Variants in ABCB4 observed in about 807,000 individuals in gnomAD.
ABCB4 encodes phosphatidylcholine translocator ABCB4.
In ABCB4, 76 loss-of-function variants were observed where a neutral mutation model predicts 145.7. The observed-to-expected ratio is 0.52, with a 90% CI of 0.43 to 0.63. The LOEUF (loss-of-function observed/expected upper bound fraction) is 0.63. Ranked by LOEUF, ABCB4 falls within the 30% of genes least tolerant of loss-of-function variation. The pLI is 0.00. For missense variants in ABCB4, 1,234 were observed against 1,553.1 expected, an observed-to-expected ratio of 0.79 and a Z score of 3.45; for synonymous variants, 517 against 566.8, an observed-to-expected ratio of 0.91 and a Z score of 1.25.
In ABCB4 at chr7:87,449,280, C is replaced by T. The variant is rs1383615130; in HGVS notation, c.833+688G>A. On this transcript the variant is annotated intron_variant, in intron 8 of 27. Coordinates refer to ENST00000649586, the MANE Select transcript of ABCB4 (RefSeq NM_000443.4). ...GAATTCTGGGCTATAACTAGGAAGT[C>T]GATGTTTTCTCAGGTTTTTCTCTTC... 2.6e-5 allele frequency among the ~76,000 whole-genome samples: 4 copies of T among 151,864 alleles called. No individual in the cohort carries two copies. In the East Asian group the frequency reaches 5.8e-4, roughly 22 times the overall value.
Position 87,475,423 on chromosome 7 carries a change from T to TG in ABCB4, c.42dup (p.Thr15HisfsTer8). On this transcript the variant is annotated frameshift_variant, in exon 2 of 28. Transcript: ENST00000649586. LOFTEE classifies it high-confidence loss of function. ...AGTTCAAAGTCGCCCTCCGCGCTCG[T>TG]GGGGCGCCAGGCTGTTCCGTTCTTT... 1 of 1,614,238 alleles carries TG rather than the reference T, an allele frequency of 6.2e-7. No individual in the cohort carries two copies. The highest frequency in any genetic ancestry group is 2.2e-5 in the East Asian group (1 of 44,876).
chr7:87,431,832 GA>G (rs1184508045), intron 14 of ABCB4, among the ~76,000 whole-genome samples: 1 of 152,158 alleles, frequency 6.6e-6, no homozygotes, highest in Non-Finnish European at 1.5e-5. Flanking sequence ...GTTTACTTAA[GA>G]AAAATAAGGG....
intron 23 of ABCB4, among the ~76,000 whole-genome samples, chr7:87,409,714 G>A (rs1293091819): frequency 6.6e-6 from 1 of 152,124 alleles, no homozygotes; most frequent in Admixed American, 6.5e-5. Context: ...TGATCTGTGA[G>A]CTCAGCTAAT....
At chr7:87,439,375 C>T (rs45558536) in intron 14 of ABCB4, among the ~76,000 whole-genome samples, 1,683 of 152,196 alleles carry the variant, frequency 0.011, 16 homozygotes, top group South Asian at 0.015. Context: ...AACATGACTA[C>T]TTTTGGTCAA....
chr7:87,377,188 T>C, the ABCB4 span, among the ~76,000 whole-genome samples: 1 of 152,204 alleles, frequency 6.6e-6, no homozygotes, highest in South Asian at 2.1e-4. Context: ...CTCTTGACTT[T>C]GCATATCACA....
At chr7:87,471,388 GAA>G (rs549790856) in intron 3 of ABCB4, among the ~76,000 whole-genome samples, 1 of 149,566 alleles carries the variant, frequency 6.7e-6, no homozygotes, top group African/African-American at 2.5e-5. Context: ...AAAAAATAAA[GAA>G]AAAAAAACTT....
intron 3 of ABCB4, among the ~76,000 whole-genome samples, chr7:87,469,102 A>AACGTAAT (rs1813166653): frequency 6.6e-6 from 1 of 152,166 alleles, no homozygotes; most frequent in Non-Finnish European, 1.5e-5. Context: ...ACAGCATATA[A>AACGTAAT]ACAGAACCAA....
At chr7:87,469,387 GA>G (rs766582701) in intron 3 of ABCB4, among the ~76,000 whole-genome samples, 7 of 152,146 alleles carry the variant, frequency 4.6e-5, no homozygotes, top group Admixed American at 2.0e-4. Flanking sequence ...TCAGGCAGAA[GA>G]AAGAAAGAAA....
intron 8 of ABCB4, among the ~76,000 whole-genome samples, chr7:87,449,230 T>C (rs569614463): frequency 6.6e-6 from 1 of 152,296 alleles, no homozygotes; most frequent in Admixed American, 6.5e-5. Flanking sequence ...CTCATTGTTA[T>C]GGAGGACCCA....
rs1810736033 is a variant in ABCB4 at position 87,438,193 on chromosome 7, G to A, written c.1731+1474C>T. Among the ~76,000 whole-genome samples, 4 of 152,008 alleles carry A rather than the reference G, an allele frequency of 2.6e-5. No homozygotes were observed. The South Asian group carries it at 6.3e-4, about 24-fold the overall frequency. ...GGTAAATATATCTCTCATTCTACCCGACTTTACTCTAAAAAGTCTATGCCA... is the reference window on the plus strand; with the variant it reads ...GGTAAATATATCTCTCATTCTACCCAACTTTACTCTAAAAAGTCTATGCCA... On this transcript the variant is annotated intron_variant, in intron 14 of 27. Coordinates refer to ENST00000649586, the MANE Select transcript of ABCB4 (RefSeq NM_000443.4).
chr7:87,456,767 CAG>C (rs1812128699), intron 4 of ABCB4, among the ~76,000 whole-genome samples: 1 of 152,144 alleles, frequency 6.6e-6, no homozygotes, highest in Admixed American at 6.6e-5. Flanking sequence ...GCTCCTTTCT[CAG>C]AGTCTCAAGA....
downstream of ABCB4, among the ~76,000 whole-genome samples, chr7:87,401,314 G>A (rs1807771223): frequency 6.6e-6 from 1 of 152,288 alleles, no homozygotes; most frequent in East Asian, 1.9e-4. Context: ...ACATTTCAGT[G>A]TGGTTAGCTT....
At chr7:87,450,661 AG>A in intron 7 of ABCB4, among the ~76,000 whole-genome samples, 1 of 152,108 alleles carries the variant, frequency 6.6e-6, no homozygotes, top group East Asian at 1.9e-4. Flanking sequence ...TAGTAGAGAC[AG>A]GGTTTCACTG....
At chr7:87,472,869 T>C (rs1813527831) in intron 2 of ABCB4, among the ~76,000 whole-genome samples, 194 bp from the exon 3 acceptor site, 1 of 152,198 alleles carries the variant, frequency 6.6e-6, no homozygotes, top group South Asian at 2.1e-4. Flanking sequence ...ACTACAAAGA[T>C]ACATGGATAC....
chr7:87,409,182 C>T, intron 24 of ABCB4, 54 bp downstream of exon 24: 1 of 1,606,320 alleles, frequency 6.2e-7, no homozygotes, highest in Non-Finnish European at 8.5e-7. Flanking sequence ...ATCTAGCAGA[C>T]AGCAAACCTT....
chr7:87,425,405 C>T (rs946249799), intron 16 of ABCB4, among the ~76,000 whole-genome samples: 6 of 152,050 alleles, frequency 3.9e-5, no homozygotes, highest in African/African-American at 1.2e-4. Flanking sequence ...TAATGACGCT[C>T]CAAAATGGTA....
chr7:87,402,991 G>A (rs962103255), intron 27 of ABCB4, 144 bp downstream of exon 27: 10 of 923,682 alleles, frequency 1.1e-5, no homozygotes, highest in African/African-American at 8.3e-5. Flanking sequence ...ACGAGACCCC[G>A]TCTCAAAAAA....
In ABCB4 at chr7:87,462,445, A is replaced by G. The variant is rs950553041; in HGVS notation, c.286+313T>C. On this transcript the variant is annotated intron_variant, in intron 4 of 27. Transcript: ENST00000649586. ...TCATCAGCAATTACTAATGGGATGGATACTGCATAGAGATACTCTCATTAC... is the reference window on the plus strand; with the variant it reads ...TCATCAGCAATTACTAATGGGATGGGTACTGCATAGAGATACTCTCATTAC... Among the ~76,000 whole-genome samples, 41 of 152,348 alleles carry G rather than the reference A, an allele frequency of 2.7e-4. 1 individual carries two copies. The highest frequency in any genetic ancestry group is 6.8e-3 in the Middle Eastern group (2 of 294).
chr7:87,402,537 T>C (rs947720824), intron 27 of ABCB4, among the ~76,000 whole-genome samples: 1 of 152,208 alleles, frequency 6.6e-6, no homozygotes, highest in African/African-American at 2.4e-5. Flanking sequence ...TCATAAGTAT[T>C]TAAATTTTCT....
Sources: gnomAD v4.1 joint callset for allele counts (sites outside exome capture counted in the v4.1 genomes callset) on GRCh38, gnomAD v4.1.1 for gene constraint, MANE v1.5 for transcripts, NCBI Gene and HGNC (gene_info 2026-07-23, HGNC 2026-07-21) for gene names.